TRIM24: variants seen among roughly 807,000 people sequenced by gnomAD.
TRIM24 encodes tripartite motif containing 24, also known as transcription intermediary factor 1-alpha.
Under a neutral mutation model 123.9 loss-of-function variants are expected in TRIM24, and 29 were observed. The observed-to-expected ratio is 0.23, with a 90% confidence interval of 0.17 to 0.32. The LOEUF is 0.32. Among genes scored for constraint, TRIM24 ranks in the 10% least tolerant of loss-of-function variants. The pLI, the probability that TRIM24 is intolerant of heterozygous loss-of-function variation, is 1.00. For missense variants in TRIM24, 932 were observed against 1,295.3 expected (o/e 0.72, Z 4.31); for synonymous variants, 456 against 461.1 (o/e 0.99, Z 0.14).
chr7:138,478,565 C>T (rs1795455841), intron 1 of TRIM24, among the ~76,000 whole-genome samples: 1 of 152,092 alleles, frequency 6.6e-6, no homozygotes, highest in Non-Finnish European at 1.5e-5. Context: ...CAGCCTTTAT[C>T]CCCTGGGCTG....
Position 138,570,920 on chromosome 7 carries a change from T to C in TRIM24, c.1795T>C (p.Tyr599His). 2 of 1,614,148 alleles carry C rather than the reference T, an allele frequency of 1.2e-6. No individual in the cohort carries two copies. The highest frequency in any genetic ancestry group is 8.5e-7 in the Non-Finnish European group (1 of 1,180,014). Residue 599 changes from tyrosine (Y) to histidine (H), a missense_variant, in exon 11 of 19, where the codon TAT (tyrosine) becomes CAT (histidine). Coordinates refer to ENST00000343526, the MANE Select transcript of TRIM24 (RefSeq NM_015905.3). ...SSPTITSAAG[Y>H]DGKAFGSPMI... ...CCCCACGATTACTAGTGCAGCAGGA[T>C]ATGATGGAAAGGCTTTTGGTTCACC...
At chr7:138,481,626 G>A (rs1338364088) in intron 1 of TRIM24, among the ~76,000 whole-genome samples, 5 of 151,804 alleles carry the variant, frequency 3.3e-5, no homozygotes, top group Non-Finnish European at 5.9e-5. Flanking sequence ...AACATAGGGA[G>A]ACCTTATCTC....
intron 2 of TRIM24, among the ~76,000 whole-genome samples, chr7:138,508,700 C>CGCGTGCGTGCGTGTGTGT (rs1182276337): frequency 4.5e-4 from 16 of 35,572 alleles, no homozygotes; most frequent in African/African-American, 1.2e-3. Flanking sequence ...TGTGCGCGCG[C>CGCGTGCGTGCGTGTGTGT]GTGTGTGCGT....
intron 6 of TRIM24, among the ~76,000 whole-genome samples, chr7:138,529,466 C>T (rs1796681304): frequency 6.6e-6 from 1 of 151,974 alleles, no homozygotes; most frequent in Admixed American, 6.6e-5. Context: ...AATTATAATG[C>T]CTTGCTTGTA....
chr7:138,569,993 G>A (rs1797620398), intron 10 of TRIM24, among the ~76,000 whole-genome samples: 2 of 149,794 alleles, frequency 1.3e-5, no homozygotes, highest in South Asian at 4.2e-4. Context: ...TGTAGCCCAG[G>A]CTGGAGTGCA....
intron 1 of TRIM24, among the ~76,000 whole-genome samples, chr7:138,475,542 GTC>G (rs1398207007): frequency 6.6e-6 from 1 of 152,142 alleles, no homozygotes; most frequent in Non-Finnish European, 1.5e-5. Flanking sequence ...GCTGTTTTGA[GTC>G]TGAGTCTTGC....
At chr7:138,570,712 C>G in intron 10 of TRIM24, 118 bp from the exon 11 acceptor site, 1 of 822,846 alleles carries the variant, frequency 1.2e-6, no homozygotes, top group Non-Finnish European at 1.8e-6. Context: ...CTGTCCCATT[C>G]TCCTTCCATG....
intron 1 of TRIM24, among the ~76,000 whole-genome samples, chr7:138,464,633 A>T (rs1050754465): frequency 6.6e-6 from 1 of 152,212 alleles, no homozygotes; most frequent in Non-Finnish European, 1.5e-5. Context: ...ACTAATTAAA[A>T]ATGTGTGAAT....
At chr7:138,508,699 G>A (rs1471422951) in intron 2 of TRIM24, among the ~76,000 whole-genome samples, 7 of 96,410 alleles carry the variant, frequency 7.3e-5, no homozygotes, top group Admixed American at 9.9e-5. Context: ...GTGTGCGCGC[G>A]CGTGTGTGCG....
chr7:138,483,222 C>G (rs1795569539), intron 1 of TRIM24, among the ~76,000 whole-genome samples: 1 of 152,232 alleles, frequency 6.6e-6, no homozygotes, highest in Non-Finnish European at 1.5e-5. Flanking sequence ...AGGCATTAGC[C>G]ACTGTGCCTG....
intron 18 of TRIM24, among the ~76,000 whole-genome samples, chr7:138,584,260 A>ATAT (rs1207779943): frequency 6.6e-6 from 1 of 152,202 alleles, no homozygotes; most frequent in Admixed American, 6.5e-5. Flanking sequence ...CATATTCTTT[A>ATAT]TCATTCCCAC....
At chr7:138,543,610 A>T (rs917241408) in intron 7 of TRIM24, among the ~76,000 whole-genome samples, 2 of 152,180 alleles carry the variant, frequency 1.3e-5, no homozygotes, top group East Asian at 1.9e-4. Context: ...TTGCTATTTT[A>T]AAAAATTTAT....
intron 1 of TRIM24, among the ~76,000 whole-genome samples, chr7:138,496,119 G>A (rs1795901124): frequency 1.3e-5 from 2 of 152,244 alleles, no homozygotes; most frequent in South Asian, 4.1e-4. Context: ...CAGTTTGTTA[G>A]TTACTACAAA....
At chr7:138,541,478 C>T (rs1797003105) in intron 7 of TRIM24, among the ~76,000 whole-genome samples, 1 of 152,070 alleles carries the variant, frequency 6.6e-6, no homozygotes, top group South Asian at 2.1e-4. Flanking sequence ...CAGTGGGTCT[C>T]AAAAGTGGGC....
chr7:138,505,527 TG>T (rs571196202), intron 2 of TRIM24, among the ~76,000 whole-genome samples: 1,970 of 150,518 alleles, frequency 0.013, 34 homozygotes, highest in African/African-American at 0.046. Flanking sequence ...TTGTTGTTGT[TG>T]TTGTTGTTGT....
At chr7:138,547,378 G>C (rs1349321710) in intron 7 of TRIM24, among the ~76,000 whole-genome samples, 3 of 152,134 alleles carry the variant, frequency 2.0e-5, no homozygotes, top group Non-Finnish European at 4.4e-5. Flanking sequence ...AAATTGCTAA[G>C]AGAATTGATT....
chr7:138,502,818 T>C (rs868663381), intron 1 of TRIM24, among the ~76,000 whole-genome samples: 61 of 152,346 alleles, frequency 4.0e-4, no homozygotes, highest in Middle Eastern at 3.4e-3. Context: ...TCTTCTCATT[T>C]TGTTCATGGT....
At chr7:138,463,290 T>C (rs1795053901) in intron 1 of TRIM24, among the ~76,000 whole-genome samples, 1 of 149,888 alleles carries the variant, frequency 6.7e-6, no homozygotes, top group African/African-American at 2.5e-5. Context: ...CCTACCTCGC[T>C]TTGTCGTTCA....
chr7:138,538,870 G>C, intron 7 of TRIM24, 67 bp downstream of exon 7: 1 of 1,368,578 alleles, frequency 7.3e-7, no homozygotes, highest in East Asian at 2.4e-5. Flanking sequence ...CCATTGTAAT[G>C]CTTAAAATTT....
Sources: gnomAD v4.1 joint callset for allele counts (sites outside exome capture counted in the v4.1 genomes callset) on GRCh38, gnomAD v4.1.1 for gene constraint, MANE v1.5 for transcripts, NCBI Gene and HGNC (gene_info 2026-07-23, HGNC 2026-07-21) for gene names.